MYO1E: variants seen among roughly 807,000 people sequenced by gnomAD.
The protein encoded by MYO1E is myosin IE.
A neutral mutation model predicts 151.1 loss-of-function variants in MYO1E; 68 were observed. The ratio of observed to expected loss-of-function variants is 0.45; its 90% CI spans 0.37 to 0.55. The LOEUF is 0.55. Among genes scored for constraint, MYO1E ranks in the 20% least tolerant of loss-of-function variants. The pLI, the probability that MYO1E is intolerant of heterozygous loss-of-function variation, is 0.00. For missense variants in MYO1E, 1,363 were observed against 1,389.3 expected, an observed-to-expected ratio of 0.98 and a Z score of 0.30; for synonymous variants, 601 against 501.7, an observed-to-expected ratio of 1.20 and a Z score of -2.64.
chr15:59,370,676 C>A (rs1206558726), intron 1 of MYO1E, among the ~76,000 whole-genome samples: 2 of 152,178 alleles, frequency 1.3e-5, no homozygotes, highest in South Asian at 2.1e-4. Flanking sequence ...TGCAATGGGG[C>A]TGAATTAAGC....
At chr15:59,273,046 T>C (rs1194194284) in intron 1 of MYO1E, among the ~76,000 whole-genome samples, 1 of 152,218 alleles carries the variant, frequency 6.6e-6, no homozygotes, top group Non-Finnish European at 1.5e-5. Context: ...TGGCTTTCCA[T>C]ATTCAAAAGA....
chr15:59,197,423 G>A (rs2079774569), intron 16 of MYO1E, among the ~76,000 whole-genome samples: 1 of 152,174 alleles, frequency 6.6e-6, no homozygotes, highest in South Asian at 2.1e-4. Context: ...TAAGTCACTT[G>A]CCATAGTCCT....
At chr15:59,345,011 CA>C (rs2080786059) in intron 1 of MYO1E, among the ~76,000 whole-genome samples, 1 of 151,918 alleles carries the variant, frequency 6.6e-6, no homozygotes, top group Non-Finnish European at 1.5e-5. Context: ...TTTAGAAAGA[CA>C]AACAGAAAAA....
intron 8 of MYO1E, among the ~76,000 whole-genome samples, chr15:59,223,822 A>G (rs1267195720): frequency 6.6e-6 from 1 of 152,224 alleles, no homozygotes; most frequent in Non-Finnish European, 1.5e-5. Flanking sequence ...AACATCTCCT[A>G]AGAAAACTAC....
intron 1 of MYO1E, among the ~76,000 whole-genome samples, chr15:59,367,900 A>AC (rs1366190405): frequency 3.9e-5 from 6 of 152,154 alleles, no homozygotes; most frequent in African/African-American, 1.4e-4. Flanking sequence ...CGGGCAGATC[A>AC]CCTGAGGTCA....
At position 59,153,691 on chromosome 15, in the gene MYO1E, G is replaced by A; in HGVS notation, c.2979C>T (p.Ala993=). 6.2e-7 allele frequency: 1 copy of A among 1,614,142 alleles called. No individual in the cohort carries two copies. Among genetic ancestry groups the A allele is most frequent in the Non-Finnish European group, 8.5e-7 (1 of 1,180,014 alleles). ...ACTGCTGCCGAGGCAAGGGCGGGCG[G>A]GCCATGGAGGTGTACAGGCTTTTCT... ...SNQKSLYTSM[A]RPPLPRQQST... The change falls in exon 26 of 28, where the codon GCC becomes GCT. Residue 993 remains alanine, a synonymous_variant. Coordinates refer to ENST00000288235, the MANE Select transcript of MYO1E (RefSeq NM_004998.4).
Position 59,246,320 on chromosome 15 carries a change from G to T in MYO1E, c.333-9648C>A, listed in dbSNP as rs184409840. ...TTTAGTAGAGATGGGGTTTCACCAT[G>T]TTGGCCAGGCTGGTCTCGAACTCCT... On this transcript the variant is annotated intron_variant, in intron 4 of 27. Transcript: ENST00000288235. 3.0e-4 allele frequency among the ~76,000 whole-genome samples: 45 copies of T among 152,224 alleles called. No individual in the cohort carries two copies. In the East Asian group the frequency reaches 8.3e-3, roughly 28 times the overall value.
At chr15:59,298,939 T>C (rs1440410819) in intron 1 of MYO1E, among the ~76,000 whole-genome samples, 2 of 152,234 alleles carry the variant, frequency 1.3e-5, no homozygotes, top group African/African-American at 4.8e-5. Context: ...GTGGAAATAT[T>C]ACCTCAGATG....
At position 59,268,718 on chromosome 15, in the gene MYO1E, G is replaced by GTTTTTTTT. The variant is rs1452818863; in HGVS notation, c.147+3587_147+3588insAAAAAAAA. Among the ~76,000 whole-genome samples the GTTTTTTTT allele has an allele frequency of 1.9e-3, 23 of 12,030 alleles. 1 individual carries two copies. Among genetic ancestry groups the GTTTTTTTT allele is most frequent in the South Asian group, 0.012 (2 of 168 alleles). The allele number at this position is 12,030 out of a possible 152,430, so 7.9% of individuals were successfully genotyped here. On this transcript the variant is annotated intron_variant, in intron 2 of 27. Coordinates refer to ENST00000288235, the MANE Select transcript of MYO1E (RefSeq NM_004998.4). ...TGGTGATGGGTTCTGGGTGACTTTG[G>GTTTTTTTT]TATTTTTTTTTTTTTTTTTTTTTGC...
chr15:59,203,058 T>C (rs1196913709), intron 15 of MYO1E, among the ~76,000 whole-genome samples: 1 of 152,026 alleles, frequency 6.6e-6, no homozygotes, highest in Non-Finnish European at 1.5e-5. Flanking sequence ...CATGTGTTTG[T>C]TAAGACAAGC....
At chr15:59,327,631 A>T (rs1401891272) in intron 1 of MYO1E, among the ~76,000 whole-genome samples, 1 of 152,136 alleles carries the variant, frequency 6.6e-6, no homozygotes, top group Non-Finnish European at 1.5e-5. Flanking sequence ...TTACTTTTTA[A>T]ACATCACTGT....
At chr15:59,138,117 T>C (rs1385570211) in intron 27 of MYO1E, 81 bp downstream of exon 27, 19 of 1,552,556 alleles carry the variant, frequency 1.2e-5, no homozygotes, top group Non-Finnish European at 1.5e-5. Flanking sequence ...ATAAATTCTT[T>C]TCATTTTCAC....
At chr15:59,203,993 G>C (rs2079817783) in intron 15 of MYO1E, among the ~76,000 whole-genome samples, 1 of 152,182 alleles carries the variant, frequency 6.6e-6, no homozygotes, top group Non-Finnish European at 1.5e-5. Context: ...CATCAAGTGT[G>C]TTTACAAAAT....
At chr15:59,214,498 G>A (rs2079901391) in intron 11 of MYO1E, 142 bp downstream of exon 11, 2 of 991,584 alleles carry the variant, frequency 2.0e-6, no homozygotes. Flanking sequence ...ACTCACAAAG[G>A]CAAAAATGAG....
intron 1 of MYO1E, among the ~76,000 whole-genome samples, chr15:59,321,730 A>T (rs896612638): frequency 6.6e-6 from 1 of 152,182 alleles, no homozygotes. Context: ...GTTATACCCC[A>T]TATCTACAAA....
At chr15:59,248,238 T>A (rs1156354389) in intron 4 of MYO1E, among the ~76,000 whole-genome samples, 1 of 149,502 alleles carries the variant, frequency 6.7e-6, no homozygotes, top group Non-Finnish European at 1.5e-5. Context: ...AATCCTAGCA[T>A]TTTGGGCGGC....
chr15:59,160,336 C>T (rs924832754), intron 24 of MYO1E, among the ~76,000 whole-genome samples: 10 of 120,082 alleles, frequency 8.3e-5, no homozygotes, highest in Admixed American at 2.5e-4. Context: ...TGAGGTAGTG[C>T]GTGTGTGTGT....
intron 1 of MYO1E, among the ~76,000 whole-genome samples, chr15:59,355,792 G>A (rs200860230): frequency 5.9e-5 from 9 of 152,034 alleles, no homozygotes; most frequent in East Asian, 3.9e-4. Flanking sequence ...CAGGGCTCAC[G>A]GCAGCCTCAA....
At chr15:59,265,728 G>A (rs1049662046) in intron 2 of MYO1E, among the ~76,000 whole-genome samples, 1 of 150,840 alleles carries the variant, frequency 6.6e-6, no homozygotes, top group Admixed American at 6.6e-5. Flanking sequence ...AGGACAAGTG[G>A]GATGATTGCT....
Sources: allele counts gnomAD v4.1 joint callset (sites outside exome capture counted in the v4.1 genomes callset), GRCh38; gene constraint gnomAD v4.1.1; transcripts MANE v1.5; gene names NCBI Gene and HGNC (gene_info 2026-07-23, HGNC 2026-07-21).